PLEKHA5: variants seen among roughly 807,000 people sequenced by gnomAD.
PLEKHA5 encodes pleckstrin homology domain containing A5, also known as pleckstrin homology domain-containing family A member 5.
PLEKHA5 carries 55 observed loss-of-function variants against 181.9 expected under a neutral mutation model. The observed-to-expected ratio is 0.30, with a 90% CI of 0.24 to 0.38. PLEKHA5 has a LOEUF of 0.38. Ranked by LOEUF, PLEKHA5 falls within the 10% of genes least tolerant of loss-of-function variation. The pLI is 1.00. For missense variants in PLEKHA5, 1,432 were observed against 1,549.5 expected (o/e 0.92, Z 1.27); for synonymous variants, 535 against 529.4 (o/e 1.01, Z -0.15).
At chr12:19,244,978 T>TA (rs899332405) in intron 3 of PLEKHA5, among the ~76,000 whole-genome samples, 22 of 151,284 alleles carry the variant, frequency 1.5e-4, no homozygotes, top group East Asian at 9.7e-4. Context: ...AATAGAGATT[T>TA]AAAAAAAAAC....
At chr12:19,162,681 A>G (rs986410024) in intron 3 of PLEKHA5, among the ~76,000 whole-genome samples, 9 of 152,122 alleles carry the variant, frequency 5.9e-5, no homozygotes, top group Non-Finnish European at 1.3e-4. Context: ...AGATAACCTA[A>G]TGAACATTAA....
rs1042119842 is a variant in PLEKHA5 at position 19,237,409 on chromosome 12, G to A, written c.228-16531G>A. ...GTTCCTTATTTTTAACTTACTCACA[G>A]AAGATGCTTGATTTGCCCCTAGACC... is the stretch of plus-strand genomic sequence containing the variant. On this transcript the variant is annotated intron_variant, in intron 3 of 31. Coordinates refer to ENST00000429027, the MANE Select transcript of PLEKHA5 (RefSeq NM_001256470.2). 3.9e-5 allele frequency among the ~76,000 whole-genome samples: 6 copies of A among 152,026 alleles called. No individual in the cohort carries two copies. In the East Asian group the frequency reaches 5.8e-4, roughly 15 times the overall value.
intron 15 of PLEKHA5, among the ~76,000 whole-genome samples, chr12:19,311,546 A>G (rs1025112174): frequency 1.3e-4 from 20 of 152,146 alleles, no homozygotes; most frequent in African/African-American, 3.9e-4. Flanking sequence ...TTTGTTGTCA[A>G]CAATGTTCAC....
At chr12:19,322,708 A>G (rs1223014288) in intron 20 of PLEKHA5, 41 bp downstream of exon 20, 15 of 1,447,666 alleles carry the variant, frequency 1.0e-5, no homozygotes, top group Non-Finnish European at 1.4e-5. Context: ...AGTAGCTTAA[A>G]TATGTAGTTC....
rs186200224 is a variant in PLEKHA5, at chr12:19,199,424, C to T, written c.228-54516C>T. On this transcript the variant is annotated intron_variant, in intron 3 of 31. Coordinates refer to ENST00000429027, the MANE Select transcript of PLEKHA5 (RefSeq NM_001256470.2). ...TACTGAGGAGTGTCACTGGTTTGTC[C>T]CAAAGAATGAAGTGGTGGCAGTGAT... Among the ~76,000 whole-genome samples the T allele has an allele frequency of 9.2e-5, 14 of 151,986 alleles. No homozygotes were observed. In the South Asian group the frequency reaches 1.5e-3, roughly 16 times the overall value.
At chr12:19,149,900 G>C (rs1023549798) in intron 3 of PLEKHA5, 1 of 152,202 alleles carries the variant, frequency 6.6e-6, no homozygotes, top group East Asian at 1.9e-4. Flanking sequence ...GCAGTCACAA[G>C]GTCAGTTCAG....
chr12:19,332,863 C>T (rs991872834), intron 20 of PLEKHA5, among the ~76,000 whole-genome samples: 3 of 152,108 alleles, frequency 2.0e-5, no homozygotes, highest in African/African-American at 4.8e-5. Flanking sequence ...ACCATGTTGC[C>T]CAGGCTGGTC....
In PLEKHA5 at chr12:19,376,351, A is replaced by G. The variant is rs2095705093; in HGVS notation, c.*832A>G. 6.6e-6 allele frequency: 1 copy of G among 152,598 alleles called. No homozygotes were observed. Among genetic ancestry groups the G allele is most frequent in the Admixed American group, 6.5e-5 (1 of 15,276 alleles). 9.5% of individuals were successfully genotyped at this position (152,598 alleles called of 1,614,324 possible). On this transcript the variant is annotated 3_prime_UTR_variant, in exon 32 of 32. Coordinates refer to ENST00000429027, the MANE Select transcript of PLEKHA5 (RefSeq NM_001256470.2). Reference sequence around the variant, plus strand: ...TACTATTGTTTAAATGCAAATGTTCATATCTCATTTCTTTTTTTATCATGT... The same window carrying G: ...TACTATTGTTTAAATGCAAATGTTCGTATCTCATTTCTTTTTTTATCATGT...
intron 25 of PLEKHA5, among the ~76,000 whole-genome samples, chr12:19,350,451 A>T (rs1408622807): frequency 6.6e-6 from 1 of 152,204 alleles, no homozygotes; most frequent in Non-Finnish European, 1.5e-5. Context: ...CTGCTAAAGG[A>T]TCACTAAGTA....
chr12:19,145,480 A>G lies in PLEKHA5; in HGVS notation c.227+13030A>G, dbSNP rs145813791. Among the ~76,000 whole-genome samples, 54 of 152,226 alleles carry G rather than the reference A, an allele frequency of 3.5e-4. No homozygotes were observed. In the East Asian group the frequency reaches 9.6e-3, roughly 27 times the overall value. On this transcript the variant is annotated intron_variant, in intron 3 of 31. Coordinates refer to ENST00000429027, the MANE Select transcript of PLEKHA5 (RefSeq NM_001256470.2). ...TCTACTGTTCTTTCTTTGCATGTAC[A>G]TACTTATATATACATAAATATTTTA...
intron 3 of PLEKHA5, among the ~76,000 whole-genome samples, chr12:19,139,271 G>A (rs907133455): frequency 2.0e-5 from 3 of 152,204 alleles, no homozygotes; most frequent in Non-Finnish European, 4.4e-5. Flanking sequence ...AGGAGTAGGT[G>A]TGGGAGGGGG....
chr12:19,361,290 C>G (rs2095232162), intron 28 of PLEKHA5, among the ~76,000 whole-genome samples: 1 of 152,160 alleles, frequency 6.6e-6, no homozygotes, highest in Non-Finnish European at 1.5e-5. Flanking sequence ...TCACGCCATT[C>G]TCCTGCCTCA....
intron 10 of PLEKHA5, among the ~76,000 whole-genome samples, chr12:19,274,081 C>T (rs752260599): frequency 2.0e-5 from 3 of 152,188 alleles, no homozygotes; most frequent in Admixed American, 6.5e-5. Context: ...CTATGATTTC[C>T]TGTTGCAGCC....
intron 20 of PLEKHA5, among the ~76,000 whole-genome samples, chr12:19,334,748 A>C (rs1225892973): frequency 6.9e-6 from 1 of 144,676 alleles, no homozygotes; most frequent in African/African-American, 2.5e-5. Flanking sequence ...TGAGAGGCCA[A>C]GGCTGGTGGA....
At chr12:19,257,599 T>G (rs1056017696) in intron 6 of PLEKHA5, 62 bp downstream of exon 6, 12 of 872,806 alleles carry the variant, frequency 1.4e-5, no homozygotes, top group Admixed American at 2.2e-5. Context: ...TTAAACTGAA[T>G]GTACCTAAGA....
intron 3 of PLEKHA5, among the ~76,000 whole-genome samples, chr12:19,145,939 A>G (rs1055473427): frequency 2.6e-5 from 4 of 152,218 alleles, no homozygotes; most frequent in Non-Finnish European, 5.9e-5. Context: ...CTTTTTAATA[A>G]GTCTGTGGAG....
chr12:19,329,485 T>G (rs1028861865), intron 20 of PLEKHA5, among the ~76,000 whole-genome samples: 14 of 152,064 alleles, frequency 9.2e-5, no homozygotes, highest in Non-Finnish European at 1.3e-4. Context: ...GTTTGGCAGG[T>G]TTTTTATTAC....
intron 3 of PLEKHA5, among the ~76,000 whole-genome samples, chr12:19,148,634 G>A (rs1315396623): frequency 6.6e-6 from 1 of 152,182 alleles, no homozygotes; most frequent in Non-Finnish European, 1.5e-5. Context: ...AATGAGAAGA[G>A]GAGGTAACAT....
chr12:19,216,621 C>T (rs2058023945), intron 3 of PLEKHA5, among the ~76,000 whole-genome samples: 1 of 151,506 alleles, frequency 6.6e-6, no homozygotes. Context: ...CCAGATCACA[C>T]CACTGCACTC....
Sources: allele counts gnomAD v4.1 joint callset (sites outside exome capture counted in the v4.1 genomes callset), GRCh38; gene constraint gnomAD v4.1.1; transcripts MANE v1.5; gene names NCBI Gene and HGNC (gene_info 2026-07-23, HGNC 2026-07-21).